Variants in ADAMTSL1 observed in about 807,000 individuals in gnomAD.
ADAMTSL1 encodes the protein ADAMTS-like protein 1.
A neutral mutation model predicts 201.8 loss-of-function variants in ADAMTSL1; 126 were observed. The ratio of observed to expected loss-of-function variants is 0.62; its 90% CI spans 0.54 to 0.72. ADAMTSL1 has a LOEUF of 0.72. Ranked by LOEUF, ADAMTSL1 falls within the 30% of genes least tolerant of loss-of-function variation. The pLI is 0.00. For synonymous variants in ADAMTSL1, 1,121 were observed against 903.4 expected, an observed-to-expected ratio of 1.24 and a Z score of -4.32; for missense variants, 2,679 against 2,277.8, an observed-to-expected ratio of 1.18 and a Z score of -3.59.
Position 18,147,294 on chromosome 9 carries a change from G to A in ADAMTSL1, c.88-16568G>A, listed in dbSNP as rs114104167. ...AATGTAATAAATGGTTTTAAAGAAA[G>A]TGATGGCTATAGATGGATAGAAATA... On this transcript the variant is annotated intron_variant, in intron 1 of 29. Transcript: ENST00000680146. Among the ~76,000 whole-genome samples the A allele has an allele frequency of 4.1e-3, 631 of 152,180 alleles. 5 individuals are homozygous for A. The highest frequency in any genetic ancestry group is 0.014 in the African/African-American group (602 of 41,538).
At position 18,853,282 on chromosome 9, in the gene ADAMTSL1, G is replaced by T. The variant is rs552709875; in HGVS notation, c.4249+23305G>T. On this transcript the variant is annotated intron_variant, in intron 23 of 28. Transcript: ENST00000380548. ...GTGGAGCCAATTTATTAAGACAGGGGCATTGCAGAGCCAGCTGAATGGGAT... is the reference window on the plus strand; with the variant it reads ...GTGGAGCCAATTTATTAAGACAGGGTCATTGCAGAGCCAGCTGAATGGGAT... Among the ~76,000 whole-genome samples the T allele has an allele frequency of 7.2e-5, 11 of 152,318 alleles. No homozygotes were observed. In the East Asian group the frequency reaches 1.9e-3, roughly 27 times the overall value.
At chr9:18,447,805 A>C (rs776261414) in intron 2 of ADAMTSL1, among the ~76,000 whole-genome samples, 1 of 152,204 alleles carries the variant, frequency 6.6e-6, no homozygotes, top group Non-Finnish European at 1.5e-5. Context: ...CTCTATATGC[A>C]TGCCCCTCAG....
intron 1 of ADAMTSL1, among the ~76,000 whole-genome samples, chr9:18,482,863 G>A (rs78616177): frequency 0.014 from 2,166 of 152,226 alleles, 23 homozygotes; most frequent in East Asian, 0.065. Context: ...AGAACTAGCC[G>A]GTTCTTTTTT....
intron 2 of ADAMTSL1, among the ~76,000 whole-genome samples, chr9:18,256,518 T>C (rs1424916201): frequency 6.6e-6 from 1 of 152,200 alleles, no homozygotes; most frequent in Non-Finnish European, 1.5e-5. Flanking sequence ...TAAAACACTA[T>C]CCTAGATGTT....
intron 1 of ADAMTSL1, among the ~76,000 whole-genome samples, chr9:18,117,358 A>T (rs890636172): frequency 1.3e-5 from 2 of 151,910 alleles, no homozygotes; most frequent in East Asian, 3.9e-4. Flanking sequence ...TACCGCCTTC[A>T]CCCTCGCTTC....
At chr9:18,900,978 A>G (rs1241420288) in intron 26 of ADAMTSL1, among the ~76,000 whole-genome samples, 1 of 152,116 alleles carries the variant, frequency 6.6e-6, no homozygotes, top group East Asian at 1.9e-4. Flanking sequence ...AGCCAAAAAC[A>G]AAAGAGAGTC....
chr9:18,680,804 G>A, intron 11 of ADAMTSL1: 1 of 413,304 alleles, frequency 2.4e-6, no homozygotes. Context: ...GGGTAATTGA[G>A]GCTGAATGAA....
At chr9:18,853,918 T>TGTGTGTGTGCGC (rs139332733) in intron 23 of ADAMTSL1, among the ~76,000 whole-genome samples, 51 of 145,486 alleles carry the variant, frequency 3.5e-4, no homozygotes, top group African/African-American at 1.0e-3. Context: ...TGTGTGTGTG[T>TGTGTGTGTGCGC]GCGCGTGCAT....
intron 2 of ADAMTSL1, among the ~76,000 whole-genome samples, chr9:18,362,462 A>T (rs1457218189): frequency 6.6e-6 from 1 of 152,228 alleles, no homozygotes; most frequent in Non-Finnish European, 1.5e-5. Flanking sequence ...CATATATTCA[A>T]CTTGGGTTTG....
chr9:18,385,096 G>A (rs1837736820), intron 2 of ADAMTSL1, among the ~76,000 whole-genome samples: 1 of 152,122 alleles, frequency 6.6e-6, no homozygotes, highest in African/African-American at 2.4e-5. Context: ...GTCAAATGGG[G>A]TCACATTACA....
intron 1 of ADAMTSL1, among the ~76,000 whole-genome samples, chr9:18,153,981 A>G (rs1668075358): frequency 6.6e-6 from 1 of 151,978 alleles, no homozygotes; most frequent in African/African-American, 2.4e-5. Context: ...GCAGCAGGTA[A>G]TTTTGAGATT....
intron 23 of ADAMTSL1, among the ~76,000 whole-genome samples, chr9:18,884,595 T>TGTAA (rs1828739982): frequency 1.3e-5 from 2 of 152,172 alleles, no homozygotes. Context: ...TTATATATAG[T>TGTAA]GTAAGTCATT....
chr9:18,681,714 G>GGGGAAAAA, intron 11 of ADAMTSL1, 98 bp from the exon 12 acceptor site: 1 of 884,430 alleles, frequency 1.1e-6, no homozygotes, highest in South Asian at 2.8e-5. Flanking sequence ...GGGGGGCGGG[G>GGGGAAAAA]AAAAAGAAAA....
chr9:17,961,998 C>G (rs1157078609), intron 1 of ADAMTSL1, among the ~76,000 whole-genome samples: 1 of 152,164 alleles, frequency 6.6e-6, no homozygotes, highest in Non-Finnish European at 1.5e-5. Context: ...GACACATTGA[C>G]TTGCAGCAGG....
intron 2 of ADAMTSL1, among the ~76,000 whole-genome samples, chr9:18,322,354 C>T (rs1023004766): frequency 1.3e-5 from 2 of 152,086 alleles, no homozygotes; most frequent in African/African-American, 2.4e-5. Flanking sequence ...TTAGCAGTAC[C>T]AGGTGTGGTG....
At chr9:17,958,061 A>C (rs975689397) in intron 1 of ADAMTSL1, among the ~76,000 whole-genome samples, 1 of 152,138 alleles carries the variant, frequency 6.6e-6, no homozygotes, top group African/African-American at 2.4e-5. Flanking sequence ...CTCTTGTCTT[A>C]CTTTTCTCCA....
chr9:18,488,325 A>G (rs910451640), intron 1 of ADAMTSL1, among the ~76,000 whole-genome samples: 1 of 152,172 alleles, frequency 6.6e-6, no homozygotes, highest in Non-Finnish European at 1.5e-5. Context: ...TCTGGAAGCA[A>G]GTGTACCATA....
In ADAMTSL1 at chr9:18,340,605, G is replaced by A. The variant is rs1458063612; in HGVS notation, c.208-164224G>A. 3.3e-5 allele frequency among the ~76,000 whole-genome samples: 5 copies of A among 152,250 alleles called. No homozygotes were observed. In the East Asian group the frequency reaches 9.7e-4, roughly 29 times the overall value. On this transcript the variant is annotated intron_variant, in intron 2 of 29. Coordinates refer to the ADAMTSL1 transcript ENST00000680146. ...CACCTTTAATTGTAGTAATCTCCATGTGTTGTGGGAGGGACCAGGTGGGAG... is the reference window on the plus strand; with the variant it reads ...CACCTTTAATTGTAGTAATCTCCATATGTTGTGGGAGGGACCAGGTGGGAG...
chr9:18,384,193 A>T (rs2133194426), intron 2 of ADAMTSL1, among the ~76,000 whole-genome samples: 1 of 152,192 alleles, frequency 6.6e-6, no homozygotes, highest in East Asian at 1.9e-4. Context: ...GCCTTAGGAA[A>T]ATTACAGTCA....
Sources: allele counts gnomAD v4.1 joint callset (sites outside exome capture counted in the v4.1 genomes callset), GRCh38; gene constraint gnomAD v4.1.1; transcripts MANE v1.5; gene names NCBI Gene and HGNC (gene_info 2026-07-23, HGNC 2026-07-21).